The following ANKFN1 variants were observed in gnomAD, a reference collection of about 807,000 sequenced individuals.
ANKFN1 encodes the protein ankyrin repeat and fibronectin type III domain containing 1.
ANKFN1 carries 74 observed loss-of-function variants against 108.7 expected under a neutral mutation model. The observed-to-expected ratio is 0.68, with a 90% CI of 0.56 to 0.83. The LOEUF (loss-of-function observed/expected upper bound fraction) is 0.83, where lower values mean the gene tolerates loss of function less well. Among genes scored for constraint, ANKFN1 ranks in the 40% least tolerant of loss-of-function variants. ANKFN1 has a pLI of 0.00. For synonymous variants in ANKFN1, 547 were observed against 516.2 expected (o/e 1.06, Z -0.81); for missense variants, 1,505 against 1,382.3 (o/e 1.09, Z -1.41).
chr17:56,304,174 T>C (rs985219669), intron 3 of ANKFN1, among the ~76,000 whole-genome samples: 3 of 152,132 alleles, frequency 2.0e-5, no homozygotes, highest in African/African-American at 7.2e-5. Flanking sequence ...TACCCCCTCC[T>C]TAACTCCTGA....
At chr17:56,436,977 G>A (rs1257943255) in intron 8 of ANKFN1, among the ~76,000 whole-genome samples, 1 of 152,052 alleles carries the variant, frequency 6.6e-6, no homozygotes. Context: ...ACCAACCCAA[G>A]GAAATACACA....
rs1273741462 is a variant in ANKFN1 at position 56,386,335 on chromosome 17, C to T, written c.910+11621C>T. ...GGGGACTGTTGTGGGGTGGGGGGAG[C>T]GGGGAGGGATAGCATCAGGAGATAT... On this transcript the variant is annotated intron_variant, in intron 8 of 20. Coordinates refer to ENST00000682825, the MANE Select transcript of ANKFN1 (RefSeq NM_001370326.1). Among the ~76,000 whole-genome samples the T allele has an allele frequency of 1.4e-4, 20 of 147,456 alleles. No homozygotes were observed. In the South Asian group the frequency reaches 1.6e-3, roughly 12 times the overall value.
At chr17:56,152,197 T>A (rs1908676462), upstream of ANKFN1, among the ~76,000 whole-genome samples, 1 of 151,450 alleles carries the variant, frequency 6.6e-6, no homozygotes. Flanking sequence ...ATGCCAGAGC[T>A]AAGCCTTGGA....
intron 4 of ANKFN1, among the ~76,000 whole-genome samples, chr17:56,130,455 G>T (rs1907212099): frequency 6.6e-6 from 1 of 152,080 alleles, no homozygotes. Flanking sequence ...AATGCAAAGT[G>T]CAATATCTCA....
chr17:56,379,553 A>C (rs1271336510), intron 8 of ANKFN1, among the ~76,000 whole-genome samples: 1 of 152,196 alleles, frequency 6.6e-6, no homozygotes, highest in African/African-American at 2.4e-5. Flanking sequence ...ATGTGCTCTA[A>C]TACAAATATT....
intron 8 of ANKFN1, among the ~76,000 whole-genome samples, chr17:56,424,248 CAA>C (rs1256315572): frequency 6.6e-6 from 1 of 152,200 alleles, no homozygotes; most frequent in East Asian, 1.9e-4. Flanking sequence ...TGAAAACTTA[CAA>C]ACCTGTGTAC....
chr17:56,363,414 A>G (rs1185730716), intron 6 of ANKFN1, among the ~76,000 whole-genome samples: 1 of 152,176 alleles, frequency 6.6e-6, no homozygotes, highest in Non-Finnish European at 1.5e-5. Flanking sequence ...TATCAAAAAG[A>G]TGGAAGATAA....
chr17:56,380,138 C>G (rs1866893796), intron 8 of ANKFN1, among the ~76,000 whole-genome samples: 2 of 152,228 alleles, frequency 1.3e-5, no homozygotes, highest in African/African-American at 4.8e-5. Flanking sequence ...GTATTCAGAA[C>G]AGTCTAATTA....
chr17:56,384,014 A>T (rs1463359658), intron 8 of ANKFN1, among the ~76,000 whole-genome samples: 2 of 152,202 alleles, frequency 1.3e-5, no homozygotes, highest in Non-Finnish European at 2.9e-5. Flanking sequence ...AGCCGGGCAG[A>T]GACACAACCA....
rs1281945404 is a variant in ANKFN1 at position 56,341,813 on chromosome 17, G to A, written c.189-8953G>A. ...AGGTTTTGGTATCAGGGTGATGCTG[G>A]CCTCATAGAATCAGTTAGGGAAAAG... On this transcript the variant is annotated intron_variant, in intron 4 of 20. Coordinates refer to ENST00000682825, the MANE Select transcript of ANKFN1 (RefSeq NM_001370326.1). Among the ~76,000 whole-genome samples, 4 of 151,818 alleles carry A rather than the reference G, an allele frequency of 2.6e-5. No individual in the cohort carries two copies. In the East Asian group the frequency reaches 7.8e-4, roughly 29 times the overall value.
intron 3 of ANKFN1, among the ~76,000 whole-genome samples, chr17:56,249,591 A>C (rs1403787441): frequency 6.6e-6 from 1 of 152,212 alleles, no homozygotes; most frequent in East Asian, 1.9e-4. Flanking sequence ...ACAATTTAAA[A>C]AATAAAATAA....
chr17:56,340,099 CT>C (rs2045921382), intron 4 of ANKFN1, among the ~76,000 whole-genome samples: 1 of 152,084 alleles, frequency 6.6e-6, no homozygotes, highest in African/African-American at 2.4e-5. Flanking sequence ...GCATGTATGT[CT>C]TCTTTTGAAG....
At chr17:56,388,518 T>A (rs142574091) in intron 8 of ANKFN1, among the ~76,000 whole-genome samples, 186 of 152,336 alleles carry the variant, frequency 1.2e-3, no homozygotes, top group African/African-American at 4.4e-3. Context: ...TCCTCTGCAC[T>A]CCCTTATTCT....
intron 3 of ANKFN1, among the ~76,000 whole-genome samples, chr17:56,252,875 C>T (rs1230804740): frequency 1.3e-5 from 2 of 151,138 alleles, no homozygotes; most frequent in Non-Finnish European, 2.9e-5. Flanking sequence ...GACTGGGCAA[C>T]ATAGTGAGAC....
At chr17:56,357,947 G>A (rs2046416786) in intron 6 of ANKFN1, among the ~76,000 whole-genome samples, 2 of 152,132 alleles carry the variant, frequency 1.3e-5, no homozygotes, top group African/African-American at 4.8e-5. Flanking sequence ...AATTTTAAAG[G>A]TCAAATAGTT....
intron 4 of ANKFN1, among the ~76,000 whole-genome samples, chr17:56,334,203 G>T (rs2045743744): frequency 6.6e-6 from 1 of 152,016 alleles, no homozygotes; most frequent in African/African-American, 2.4e-5. Context: ...AAAGAAGGTG[G>T]ATTTTAAAAG....
intron 3 of ANKFN1, among the ~76,000 whole-genome samples, chr17:56,233,423 G>A (rs1049870062): frequency 6.6e-6 from 1 of 151,976 alleles, no homozygotes; most frequent in African/African-American, 2.4e-5. Context: ...CTTCAAAGGG[G>A]AATTATGTTA....
intron 1 of ANKFN1, among the ~76,000 whole-genome samples, chr17:56,156,316 G>A (rs729642): frequency 0.14 from 20,902 of 152,022 alleles, 2,106 homozygotes; most frequent in African/African-American, 0.27. Flanking sequence ...TCAAACTCCT[G>A]GCCTCAAGTG....
At chr17:56,453,892 C>T (rs1037084919) in intron 11 of ANKFN1, among the ~76,000 whole-genome samples, 1 of 151,830 alleles carries the variant, frequency 6.6e-6, no homozygotes, top group Non-Finnish European at 1.5e-5. Context: ...CTATATGAAA[C>T]CTTTTTTTCC....
Sources: gnomAD v4.1 joint callset for allele counts (sites outside exome capture counted in the v4.1 genomes callset) on GRCh38, gnomAD v4.1.1 for gene constraint, MANE v1.5 for transcripts, NCBI Gene and HGNC (gene_info 2026-07-23, HGNC 2026-07-21) for gene names.